Variants in AOPEP observed in about 807,000 individuals in gnomAD.
The protein encoded by AOPEP is aminopeptidase O (putative).
In AOPEP, 77 loss-of-function variants were observed where a neutral mutation model predicts 98.1. That is an observed-to-expected ratio of 0.78 (90% CI 0.65 to 0.95). The LOEUF (loss-of-function observed/expected upper bound fraction) is 0.95. Among genes scored for constraint, AOPEP ranks in the 40% least tolerant of loss-of-function variants. The probability of loss-of-function intolerance (pLI) is 0.00; values close to 1 mark genes in which losing one functional copy is unlikely to be tolerated. For missense variants in AOPEP, 1,024 were observed against 1,024.7 expected (o/e 1.00, Z 0.01); for synonymous variants, 346 against 365.3 (o/e 0.95, Z 0.60).
chr9:94,799,830 C>G (rs935083845), intron 4 of AOPEP, among the ~76,000 whole-genome samples: 1 of 150,412 alleles, frequency 6.6e-6, no homozygotes, highest in African/African-American at 2.5e-5. Context: ...CCACTGCCCT[C>G]TAGCTTGGAA....
chr9:95,148,600 T>C, the AOPEP span, among the ~76,000 whole-genome samples: 1 of 152,226 alleles, frequency 6.6e-6, no homozygotes, highest in African/African-American at 2.4e-5. Flanking sequence ...AGCTCCATGG[T>C]GGCAGTAATG....
the AOPEP span, among the ~76,000 whole-genome samples, chr9:95,105,488 CT>C: frequency 6.6e-6 from 1 of 152,172 alleles, no homozygotes; most frequent in Non-Finnish European, 1.5e-5. Flanking sequence ...CATGCTGGTG[CT>C]TTTTCTGAGA....
intron 16 of AOPEP, chr9:95,085,193 C>T (rs773943313): frequency 4.8e-5 from 23 of 481,026 alleles, no homozygotes; most frequent in Admixed American, 2.4e-4. Flanking sequence ...GCAGACAGCA[C>T]GGGGTGGCGC....
chr9:95,060,597 AGG>A, intron 13 of AOPEP, 95 bp from the exon 14 acceptor site: 1 of 817,402 alleles, frequency 1.2e-6, no homozygotes, highest in East Asian at 2.4e-5. Context: ...GAAAGCACCC[AGG>A]TTACCCTGGG....
At chr9:94,964,567 A>C (rs2059065197) in intron 9 of AOPEP, among the ~76,000 whole-genome samples, 3 of 152,178 alleles carry the variant, frequency 2.0e-5, no homozygotes, top group African/African-American at 7.2e-5. Context: ...ATATAGGATA[A>C]ATTAGTATAG....
At chr9:94,986,442 G>A (rs1449894795) in intron 11 of AOPEP, among the ~76,000 whole-genome samples, 1 of 152,114 alleles carries the variant, frequency 6.6e-6, no homozygotes, top group Non-Finnish European at 1.5e-5. Context: ...TTCACAGTAC[G>A]TCTCTCACTA....
chr9:95,118,558 A>G, the AOPEP span, among the ~76,000 whole-genome samples: 1 of 152,180 alleles, frequency 6.6e-6, no homozygotes, highest in Non-Finnish European at 1.5e-5. Context: ...TCCCCTTCCA[A>G]TTCTTAACAA....
At chr9:95,128,682 T>C in the AOPEP span, among the ~76,000 whole-genome samples, 2 of 152,352 alleles carry the variant, frequency 1.3e-5, no homozygotes, top group African/African-American at 4.8e-5. Flanking sequence ...GCAAAATCGC[T>C]CAATCCAATG....
intron 5 of AOPEP, among the ~76,000 whole-genome samples, chr9:94,856,746 A>G (rs1247284269): frequency 6.6e-6 from 1 of 152,184 alleles, no homozygotes; most frequent in Non-Finnish European, 1.5e-5. Context: ...GAAGCGACTC[A>G]TAGGATAGAT....
chr9:95,010,474 C>T (rs1022218448), intron 13 of AOPEP, among the ~76,000 whole-genome samples: 3 of 152,154 alleles, frequency 2.0e-5, no homozygotes, highest in Non-Finnish European at 4.4e-5. Context: ...GGAACTACCC[C>T]GCTTTCAGCA....
chr9:95,126,793 AT>A, the AOPEP span: 3 of 566,710 alleles, frequency 5.3e-6, no homozygotes, highest in Non-Finnish European at 9.6e-6. Context: ...CAGGCAGCTT[AT>A]TCCTCTGTAT....
intron 7 of AOPEP, among the ~76,000 whole-genome samples, chr9:94,934,079 A>G (rs1213764393): frequency 6.6e-6 from 1 of 152,070 alleles, no homozygotes; most frequent in African/African-American, 2.4e-5. Flanking sequence ...TTGAAAGCTT[A>G]CAGGCTTCAA....
chr9:95,051,222 T>TGGGA lies in AOPEP; in HGVS notation c.2116-9471_2116-9468dup, dbSNP rs2066331552. On this transcript the variant is annotated intron_variant, in intron 13 of 16. Coordinates refer to ENST00000375315, the MANE Select transcript of AOPEP (RefSeq NM_001193329.3). ...CTTCTGCCTCAGCCTCCCGAGTAGCTGGGACTACAGGTGCGCGCCACCACA... is the reference window on the plus strand; with the variant it reads ...CTTCTGCCTCAGCCTCCCGAGTAGCTGGGAGGGACTACAGGTGCGCGCCACCACA... Among the ~76,000 whole-genome samples, 3 of 151,780 alleles carry TGGGA rather than the reference T, an allele frequency of 2.0e-5. No homozygotes were observed. The South Asian group carries it at 6.3e-4, about 32-fold the overall frequency.
chr9:94,868,093 A>C (rs1394936830), intron 5 of AOPEP, among the ~76,000 whole-genome samples: 1 of 152,248 alleles, frequency 6.6e-6, no homozygotes, highest in African/African-American at 2.4e-5. Context: ...GAAAAATTCC[A>C]AAGCTGCAAA....
intron 1 of AOPEP, among the ~76,000 whole-genome samples, chr9:94,733,105 C>CTTTTTTTTTTT (rs537104658): frequency 7.8e-6 from 1 of 128,942 alleles, no homozygotes; most frequent in Non-Finnish European, 1.6e-5. Flanking sequence ...TTTTCTTTCT[C>CTTTTTTTTTTT]TTTTTTTTTT....
intron 5 of AOPEP, among the ~76,000 whole-genome samples, chr9:94,865,821 C>T (rs1031781756): frequency 6.6e-6 from 1 of 152,172 alleles, no homozygotes; most frequent in African/African-American, 2.4e-5. Flanking sequence ...CTATTCTAAA[C>T]AATCTGGGCT....
At chr9:95,035,283 T>C (rs1163322089) in intron 13 of AOPEP, among the ~76,000 whole-genome samples, 1 of 152,020 alleles carries the variant, frequency 6.6e-6, no homozygotes, top group African/African-American at 2.4e-5. Context: ...ACCTGGACAT[T>C]AATTGTTGGC....
chr9:94,970,123 A>C (rs544651112), intron 10 of AOPEP, among the ~76,000 whole-genome samples: 3 of 152,332 alleles, frequency 2.0e-5, no homozygotes, highest in Admixed American at 6.5e-5. Context: ...CCTTCCATTC[A>C]GAATGGCTCC....
intron 2 of AOPEP, among the ~76,000 whole-genome samples, chr9:94,770,900 G>T (rs538921364): frequency 2.6e-5 from 4 of 152,196 alleles, no homozygotes; most frequent in Non-Finnish European, 5.9e-5. Flanking sequence ...GGAGTAAGGG[G>T]TTGTAAATAT....
Sources: allele counts gnomAD v4.1 joint callset (sites outside exome capture counted in the v4.1 genomes callset), GRCh38; gene constraint gnomAD v4.1.1; transcripts MANE v1.5; gene names NCBI Gene and HGNC (gene_info 2026-07-23, HGNC 2026-07-21).